Variants in COL25A1 observed in about 807,000 individuals in gnomAD.
COL25A1 encodes collagen type XXV alpha 1 chain, also known as collagen alpha-1(XXV) chain.
Under a neutral mutation model 128.4 loss-of-function variants are expected in COL25A1, and 103 were observed. That is an observed-to-expected ratio of 0.80 (90% CI 0.68 to 0.94). COL25A1 has a LOEUF of 0.94. Among genes scored for constraint, COL25A1 ranks in the 40% least tolerant of loss-of-function variants. The pLI, the probability that COL25A1 is intolerant of heterozygous loss-of-function variation, is 0.00. For synonymous variants in COL25A1, 279 were observed against 277.2 expected, an observed-to-expected ratio of 1.01 and a Z score of -0.06; for missense variants, 745 against 840.0, an observed-to-expected ratio of 0.89 and a Z score of 1.40.
At chr4:108,831,876 C>T (rs1010533175) in intron 32 of COL25A1, among the ~76,000 whole-genome samples, 3 of 152,100 alleles carry the variant, frequency 2.0e-5, no homozygotes, top group East Asian at 3.9e-4. Flanking sequence ...AAATTATTTC[C>T]TTATGGTTAA....
chr4:109,283,668 T>C (rs531145131), intron 3 of COL25A1, among the ~76,000 whole-genome samples: 1 of 152,356 alleles, frequency 6.6e-6, no homozygotes, highest in African/African-American at 2.4e-5. Context: ...GTTATTTGTC[T>C]GACATTTGAG....
intron 3 of COL25A1, among the ~76,000 whole-genome samples, chr4:109,264,497 G>A (rs1324073958): frequency 2.6e-5 from 4 of 152,226 alleles, no homozygotes; most frequent in Non-Finnish European, 5.9e-5. Flanking sequence ...GAGCAAAATG[G>A]ACAAACTTGA....
At chr4:109,125,760 G>C (rs1768538022) in intron 3 of COL25A1, among the ~76,000 whole-genome samples, 1 of 152,068 alleles carries the variant, frequency 6.6e-6, no homozygotes, top group African/African-American at 2.4e-5. Flanking sequence ...TAGGAAAGAG[G>C]TAACAGTTGC....
At chr4:108,899,060 C>T in intron 15 of COL25A1, 94 bp downstream of exon 15, 1 of 1,192,568 alleles carries the variant, frequency 8.4e-7, no homozygotes, top group Non-Finnish European at 1.2e-6. Flanking sequence ...TCCATCCACC[C>T]ATCCATTCAT....
At chr4:109,098,799 A>G (rs1765635677) in intron 3 of COL25A1, among the ~76,000 whole-genome samples, 1 of 152,348 alleles carries the variant, frequency 6.6e-6, no homozygotes, top group East Asian at 1.9e-4. Flanking sequence ...CAGGATGTTT[A>G]GTCTATAACC....
intron 35 of COL25A1, chr4:108,823,959 A>T (rs530235458): frequency 6.9e-7 from 1 of 1,447,764 alleles, no homozygotes; most frequent in Non-Finnish European, 9.0e-7. Flanking sequence ...GGTGATAATA[A>T]TTTTTTCTTC....
chr4:108,836,665 G>A (rs1733850595), intron 31 of COL25A1, among the ~76,000 whole-genome samples: 1 of 151,490 alleles, frequency 6.6e-6, no homozygotes, highest in Non-Finnish European at 1.5e-5. Context: ...GAAAATAAAT[G>A]GGGAAACTGT....
rs151136028 is a variant in COL25A1 at position 109,042,931 on chromosome 4, G to A, written c.420+5237C>T. On this transcript the variant is annotated intron_variant, in intron 5 of 37. Transcript: ENST00000399132. The stretch of plus-strand genomic sequence containing the variant: ...CTTAATATGAACCATACACGATGAG[G>A]ATAGGATAAGACACAACAAAGATGT... Among the ~76,000 whole-genome samples, 298 of 152,168 alleles carry A rather than the reference G, an allele frequency of 2.0e-3. 2 individuals carry two copies. Among genetic ancestry groups the A allele is most frequent in the African/African-American group, 7.0e-3 (290 of 41,524 alleles).
At chr4:109,091,677 T>C (rs1259950556) in intron 3 of COL25A1, among the ~76,000 whole-genome samples, 19 of 152,076 alleles carry the variant, frequency 1.2e-4, no homozygotes, top group African/African-American at 4.6e-4. Context: ...GTTCTTCCCT[T>C]TCTGCTTACT....
chr4:108,986,038 A>G (rs1753637844), intron 6 of COL25A1, among the ~76,000 whole-genome samples: 1 of 152,164 alleles, frequency 6.6e-6, no homozygotes, highest in South Asian at 2.1e-4. Flanking sequence ...ATTATATTTG[A>G]TTCACTTAAC....
At chr4:109,300,178 A>C (rs1335003991) in intron 3 of COL25A1, among the ~76,000 whole-genome samples, 1 of 126,896 alleles carries the variant, frequency 7.9e-6, no homozygotes, top group Non-Finnish European at 1.7e-5. Context: ...GAATAAACCA[A>C]AACAAAAAAA....
intron 6 of COL25A1, among the ~76,000 whole-genome samples, chr4:108,984,734 C>T (rs1753475908): frequency 6.6e-6 from 1 of 152,244 alleles, no homozygotes; most frequent in Non-Finnish European, 1.5e-5. Context: ...CGCGCCTCTC[C>T]CTCCACACCT....
intron 16 of COL25A1, among the ~76,000 whole-genome samples, chr4:108,895,615 C>T (rs1260949293): frequency 2.6e-5 from 4 of 152,056 alleles, no homozygotes; most frequent in African/African-American, 9.7e-5. Flanking sequence ...GAATATGAAG[C>T]CTGACAAAAT....
intron 3 of COL25A1, among the ~76,000 whole-genome samples, chr4:109,222,907 T>G (rs1260204435): frequency 1.3e-5 from 2 of 152,254 alleles, no homozygotes; most frequent in Non-Finnish European, 2.9e-5. Flanking sequence ...TATTAATTCT[T>G]AAAAAATTAT....
chr4:108,862,438 A>T (rs1737351659), intron 22 of COL25A1, 63 bp downstream of exon 22: 1 of 1,268,444 alleles, frequency 7.9e-7, no homozygotes, highest in South Asian at 1.2e-5. Flanking sequence ...CTCTGTGGCA[A>T]AGGCAAAAAG....
intron 6 of COL25A1, among the ~76,000 whole-genome samples, chr4:108,975,621 G>T (rs1338694312): frequency 2.0e-5 from 3 of 152,134 alleles, no homozygotes; most frequent in African/African-American, 4.8e-5. Flanking sequence ...AACAATTTAA[G>T]CCCCATCAGC....
chr4:108,937,785 A>G (rs372438027), intron 11 of COL25A1, 23 bp downstream of exon 11: 10 of 1,594,576 alleles, frequency 6.3e-6, no homozygotes, highest in Non-Finnish European at 2.6e-6. Context: ...TTAGTATAGA[A>G]AAAGATAAAC....
At chr4:108,926,394 C>A (rs1412044162) in intron 11 of COL25A1, among the ~76,000 whole-genome samples, 1 of 152,064 alleles carries the variant, frequency 6.6e-6, no homozygotes, top group Non-Finnish European at 1.5e-5. Flanking sequence ...AAGAGGTGGT[C>A]CATCTGTGAA....
Position 108,841,678 on chromosome 4 carries a change from G to A in COL25A1, c.1656+17C>T. The A allele has an allele frequency of 6.2e-7, 1 of 1,605,272 alleles. No homozygotes were observed. The highest frequency in any genetic ancestry group is 8.5e-7 in the Non-Finnish European group (1 of 1,172,332). ...AAGGAAGCAGAAATCAAATAATCAAGGGATTTGTTGGATTACCTTTGGTCC... is the reference window on the plus strand; with the variant it reads ...AAGGAAGCAGAAATCAAATAATCAAAGGATTTGTTGGATTACCTTTGGTCC... On this transcript the variant is annotated intron_variant, in intron 31 of 37. Transcript: ENST00000399132.
Sources: allele counts gnomAD v4.1 joint callset (sites outside exome capture counted in the v4.1 genomes callset), GRCh38; gene constraint gnomAD v4.1.1; transcripts MANE v1.5; gene names NCBI Gene and HGNC (gene_info 2026-07-23, HGNC 2026-07-21).